MIS18A: variants seen among roughly 807,000 people sequenced by gnomAD.
The protein encoded by MIS18A is MIS18 kinetochore protein A, also known as protein Mis18-alpha.
In MIS18A, 14 loss-of-function variants were observed where a neutral mutation model predicts 25.0. The ratio of observed to expected loss-of-function variants is 0.56; its 90% CI spans 0.37 to 0.88. The LOEUF (loss-of-function observed/expected upper bound fraction) is 0.88, where lower values mean the gene tolerates loss of function less well. Among genes scored for constraint, MIS18A ranks in the 40% least tolerant of loss-of-function variants. MIS18A has a pLI of 0.00. For synonymous variants in MIS18A, 134 were observed against 118.6 expected, an observed-to-expected ratio of 1.13 and a Z score of -0.84; for missense variants, 292 against 290.8, an observed-to-expected ratio of 1.00 and a Z score of -0.03.
chr21:32,201,241 A>G, the MIS18A span, among the ~76,000 whole-genome samples: 57 of 152,230 alleles, frequency 3.7e-4, no homozygotes, highest in African/African-American at 1.3e-3. Context: ...ATCCGCCCCT[A>G]TGACCAAAAC....
intron 1 of MIS18A, among the ~76,000 whole-genome samples, chr21:32,277,164 C>G (rs1181365391): frequency 6.6e-6 from 1 of 152,032 alleles, no homozygotes; most frequent in African/African-American, 2.4e-5. Context: ...ATCCTATTAT[C>G]TAAATCTGAT....
chr21:32,205,168 G>T, the MIS18A span, among the ~76,000 whole-genome samples: 1 of 123,248 alleles, frequency 8.1e-6, no homozygotes, highest in Non-Finnish European at 1.6e-5. Context: ...GCAGTGGCTC[G>T]ATCTCGGCTC....
the MIS18A span, among the ~76,000 whole-genome samples, chr21:32,155,536 T>C: frequency 6.6e-6 from 1 of 152,332 alleles, no homozygotes; most frequent in Non-Finnish European, 1.5e-5. Context: ...TTGACAGTTA[T>C]AACAGTAATT....
the MIS18A span, among the ~76,000 whole-genome samples, chr21:32,199,029 CA>C: frequency 1.3e-5 from 2 of 152,172 alleles, no homozygotes; most frequent in Admixed American, 6.5e-5. Context: ...ATTAAGGTCA[CA>C]AAAGTGTGTT....
the MIS18A span, among the ~76,000 whole-genome samples, chr21:32,248,826 C>T: frequency 2.6e-5 from 4 of 152,194 alleles, no homozygotes; most frequent in South Asian, 2.1e-4. Context: ...ATCTGAACTT[C>T]CTTCCCTCCC....
intron 2 of MIS18A, among the ~76,000 whole-genome samples, chr21:32,273,928 T>C (rs1433840965): frequency 6.6e-6 from 1 of 152,186 alleles, no homozygotes; most frequent in East Asian, 1.9e-4. Flanking sequence ...TCCCACTCAG[T>C]TTGCTCAGGC....
the MIS18A span, among the ~76,000 whole-genome samples, chr21:32,243,802 G>A: frequency 6.6e-6 from 1 of 152,072 alleles, no homozygotes; most frequent in Non-Finnish European, 1.5e-5. Flanking sequence ...CAGATTACCT[G>A]AGGTCAGAAG....
chr21:32,178,339 T>C, the MIS18A span, among the ~76,000 whole-genome samples: 1 of 152,330 alleles, frequency 6.6e-6, no homozygotes, highest in South Asian at 2.1e-4. Flanking sequence ...ATTATTGCTG[T>C]CGTTGTCATT....
chr21:32,188,613 G>A, the MIS18A span, among the ~76,000 whole-genome samples: 1 of 152,148 alleles, frequency 6.6e-6, no homozygotes, highest in Admixed American at 6.5e-5. Flanking sequence ...CTCAGGGCTG[G>A]GTCCTTTGCT....
At chr21:32,164,041 G>A in the MIS18A span, among the ~76,000 whole-genome samples, 1 of 152,120 alleles carries the variant, frequency 6.6e-6, no homozygotes, top group Non-Finnish European at 1.5e-5. Context: ...CAGTACTTGT[G>A]AGAACTAAGA....
At chr21:32,203,592 G>T in the MIS18A span, among the ~76,000 whole-genome samples, 1 of 140,630 alleles carries the variant, frequency 7.1e-6, no homozygotes, top group Non-Finnish European at 1.5e-5. Context: ...CAATCAAGTG[G>T]GATAAAACAT....
the MIS18A span, among the ~76,000 whole-genome samples, chr21:32,238,134 T>C: frequency 6.6e-6 from 1 of 152,252 alleles, no homozygotes; most frequent in Non-Finnish European, 1.5e-5. Flanking sequence ...AAAGCCATTT[T>C]CTAAAGCCCC....
intron 1 of MIS18A, 123 bp downstream of exon 1, chr21:32,278,558 T>C (rs1449996515): frequency 2.8e-6 from 3 of 1,059,238 alleles, no homozygotes; most frequent in Non-Finnish European, 3.9e-6. Context: ...ACTCTCAGAC[T>C]TTTTGCTCTT....
At chr21:32,243,376 C>T in the MIS18A span, among the ~76,000 whole-genome samples, 1 of 151,986 alleles carries the variant, frequency 6.6e-6, no homozygotes, top group Non-Finnish European at 1.5e-5. Context: ...TACCAAAGTG[C>T]AGCAGTAAGA....
At chr21:32,168,009 G>T in the MIS18A span, among the ~76,000 whole-genome samples, 1 of 152,144 alleles carries the variant, frequency 6.6e-6, no homozygotes, top group South Asian at 2.1e-4. Flanking sequence ...TGGAGGTGGG[G>T]TCTTTGGGAG....
At chr21:32,238,618 T>G in the MIS18A span, among the ~76,000 whole-genome samples, 1 of 152,200 alleles carries the variant, frequency 6.6e-6, no homozygotes, top group African/African-American at 2.4e-5. Flanking sequence ...CTCTCTGTTA[T>G]CCCTTTGCCC....
the MIS18A span, among the ~76,000 whole-genome samples, chr21:32,207,425 T>C: frequency 6.6e-6 from 1 of 152,198 alleles, no homozygotes; most frequent in South Asian, 2.1e-4. Context: ...GATACCCTGA[T>C]AAATATAAAA....
chr21:32,258,191 A>G, the MIS18A span, among the ~76,000 whole-genome samples: 2 of 152,202 alleles, frequency 1.3e-5, no homozygotes, highest in African/African-American at 4.8e-5. Flanking sequence ...AACAAATCTG[A>G]GTCATGAAAA....
chr21:32,168,729 G>A, the MIS18A span, among the ~76,000 whole-genome samples: 76,648 of 151,892 alleles, frequency 0.5, 20,914 homozygotes, highest in African/African-American at 0.71. Flanking sequence ...AAAGAGTAGT[G>A]AAAAAATATG....
Sources: allele counts gnomAD v4.1 joint callset (sites outside exome capture counted in the v4.1 genomes callset), GRCh38; gene constraint gnomAD v4.1.1; transcripts MANE v1.5; gene names NCBI Gene and HGNC (gene_info 2026-07-23, HGNC 2026-07-21).